CSF2RB: variants seen among roughly 807,000 people sequenced by gnomAD.
CSF2RB encodes cytokine receptor common subunit beta.
Under a neutral mutation model 67.2 loss-of-function variants are expected in CSF2RB, and 22 were observed. The ratio of observed to expected loss-of-function variants is 0.33; its 90% confidence interval spans 0.23 to 0.47. CSF2RB has a LOEUF of 0.47. Ranked by LOEUF, CSF2RB falls within the 20% of genes least tolerant of loss-of-function variation. CSF2RB has a pLI of 1.00. For missense variants in CSF2RB, 1,113 were observed against 1,174.5 expected (o/e 0.95, Z 0.76); for synonymous variants, 507 against 482.9 (o/e 1.05, Z -0.65).
At chr22:36,925,083 T>G (rs1489117063) in intron 3 of CSF2RB, among the ~76,000 whole-genome samples, 30 of 152,250 alleles carry the variant, frequency 2.0e-4, no homozygotes, top group Non-Finnish European at 2.9e-4. Context: ...TCACCCGAGC[T>G]GCGCTGCTGC....
chr22:36,931,224 G>A (rs932061311), intron 8 of CSF2RB, among the ~76,000 whole-genome samples: 1 of 152,200 alleles, frequency 6.6e-6, no homozygotes, highest in Non-Finnish European at 1.5e-5. Flanking sequence ...GATCTATGAT[G>A]TACTTTTCAA....
chr22:36,930,218 T>C (rs1368523336), intron 6 of CSF2RB, among the ~76,000 whole-genome samples, 157 bp from the exon 7 acceptor site: 1 of 152,176 alleles, frequency 6.6e-6, no homozygotes, highest in Non-Finnish European at 1.5e-5. Context: ...CTCGGAGCTG[T>C]TGGACACACA....
intron 1 of CSF2RB, among the ~76,000 whole-genome samples, chr22:36,914,621 C>T (rs1050645934): frequency 2.0e-5 from 3 of 152,048 alleles, no homozygotes; most frequent in African/African-American, 4.8e-5. Flanking sequence ...TTCACTGGGA[C>T]CTTGTCAGAC....
At chr22:36,918,675 C>T (rs1398221401) in intron 1 of CSF2RB, among the ~76,000 whole-genome samples, 1 of 152,132 alleles carries the variant, frequency 6.6e-6, no homozygotes, top group African/African-American at 2.4e-5. Context: ...TGAAGCTTTC[C>T]CCATTTGCTG....
chr22:36,915,422 T>TATATA (rs1555921176), intron 1 of CSF2RB, among the ~76,000 whole-genome samples: 2 of 146,368 alleles, frequency 1.4e-5, no homozygotes, highest in African/African-American at 5.0e-5. Context: ...ATTATTTTAT[T>TATATA]TATATATATA....
intron 1 of CSF2RB, among the ~76,000 whole-genome samples, chr22:36,914,292 G>A (rs1448303691): frequency 6.6e-6 from 1 of 152,136 alleles, no homozygotes; most frequent in Non-Finnish European, 1.5e-5. Flanking sequence ...GCTGCGCTGA[G>A]GCCCAGAGCT....
At chr22:36,929,380 C>T (rs767911516) in intron 4 of CSF2RB, 22 bp from the exon 5 acceptor site, 19 of 1,614,020 alleles carry the variant, frequency 1.2e-5, no homozygotes, top group Non-Finnish European at 1.4e-5. Flanking sequence ...CCCTTAGGTG[C>T]CCTTCACTTC....
At chr22:36,934,024 G>A in intron 10 of CSF2RB, 30 bp downstream of exon 10, 1 of 1,610,200 alleles carries the variant, frequency 6.2e-7, no homozygotes, top group South Asian at 1.1e-5. Context: ...CAGAGCTTCT[G>A]GCCAGGACCA....
intron 4 of CSF2RB, among the ~76,000 whole-genome samples, chr22:36,926,441 G>A (rs948935919): frequency 4.9e-4 from 74 of 152,232 alleles, no homozygotes; most frequent in African/African-American, 1.6e-3. Flanking sequence ...GAAGAAAACC[G>A]TTCTCACCAC....
At chr22:36,932,709 A>T (rs2075936) in intron 8 of CSF2RB, 56 bp from the exon 9 acceptor site, 10 of 1,590,546 alleles carry the variant, frequency 6.3e-6, no homozygotes, top group Non-Finnish European at 6.8e-6. Context: ...AGACACGGGG[A>T]ATGTTCCGTT....
chr22:36,928,488 G>A (rs184370538), intron 4 of CSF2RB, among the ~76,000 whole-genome samples: 2 of 152,258 alleles, frequency 1.3e-5, no homozygotes, highest in Non-Finnish European at 2.9e-5. Flanking sequence ...ACATGCTCTA[G>A]CATGCCATAA....
intron 3 of CSF2RB, among the ~76,000 whole-genome samples, chr22:36,925,330 G>A (rs185777292): frequency 4.4e-4 from 67 of 152,230 alleles, no homozygotes; most frequent in East Asian, 3.9e-4. Flanking sequence ...CAGAAGCCTC[G>A]TAACTGGGCT....
Position 36,939,095 on chromosome 22 carries a change from G to A in CSF2RB, c.*593G>A, listed in dbSNP as rs763937137. ...GGCTCAGGGAATTCAGACTAGCCTC[G>A]ATTGTCACTCCGAGAAATGGGCATG... On this transcript the variant is annotated 3_prime_UTR_variant, in exon 14 of 14. Coordinates refer to ENST00000403662, the MANE Select transcript of CSF2RB (RefSeq NM_000395.3). 2.1e-4 allele frequency: 147 copies of A among 701,658 alleles called. No homozygotes were observed. The highest frequency in any genetic ancestry group is 3.4e-4 in the Non-Finnish European group (129 of 384,322). 43.5% of individuals were successfully genotyped at this position (701,658 alleles called of 1,614,324 possible).
chr22:36,916,992 T>C (rs1333840092), intron 1 of CSF2RB, among the ~76,000 whole-genome samples: 1 of 152,218 alleles, frequency 6.6e-6, no homozygotes, highest in Non-Finnish European at 1.5e-5. Flanking sequence ...GAGAGCCTCC[T>C]GTGTGAGGCT....
At position 36,913,648 on chromosome 22, in the gene CSF2RB, A is replaced by G. The variant is rs1480518098; in HGVS notation, c.-202A>G. The G allele has an allele frequency of 6.6e-6, 1 of 152,334 alleles. No homozygotes were observed. 9.4% of individuals were successfully genotyped at this position (152,334 alleles called of 1,614,324 possible). A position where few individuals can be genotyped will look rare whatever the true frequency, so the allele number is the denominator to read the frequency against. Reference sequence around the variant, plus strand: ...GGCTCACTCTGCCTAGAGGCTCCAGAAGAAGACTGGTCTCTCCCACCACAC... The same window carrying G: ...GGCTCACTCTGCCTAGAGGCTCCAGGAGAAGACTGGTCTCTCCCACCACAC... On this transcript the variant is annotated 5_prime_UTR_variant, in exon 1 of 14. Coordinates refer to ENST00000403662, the MANE Select transcript of CSF2RB (RefSeq NM_000395.3).
intron 9 of CSF2RB, 114 bp downstream of exon 9, chr22:36,933,018 G>A (rs2145814022): frequency 6.3e-6 from 8 of 1,262,630 alleles, no homozygotes; most frequent in Non-Finnish European, 8.9e-6. Context: ...ACCAGTGAGA[G>A]GTAGCCACTG....
chr22:36,916,813 C>T (rs1601574160), intron 1 of CSF2RB, among the ~76,000 whole-genome samples: 1 of 152,128 alleles, frequency 6.6e-6, no homozygotes, highest in African/African-American at 2.4e-5. Flanking sequence ...GAGCCGAGAT[C>T]ACGCCACTGC....
In CSF2RB at chr22:36,938,631, G is replaced by T. The variant is rs1431213551; in HGVS notation, c.*129G>T. 2.0e-6 allele frequency: 2 copies of T among 1,023,442 alleles called. No homozygotes were observed. The highest frequency in any genetic ancestry group is 2.9e-5 in the Admixed American group (1 of 34,998). 63.4% of individuals were successfully genotyped at this position (1,023,442 alleles called of 1,614,324 possible). A position where few individuals can be genotyped will look rare whatever the true frequency, so the allele number is the denominator to read the frequency against. ...AGGTAGCTAGAGGCCTGGGAAAGGA[G>T]ATAGCCTTGCTCCGGCCCCCTTGAC... is the stretch of plus-strand genomic sequence containing the variant. On this transcript the variant is annotated 3_prime_UTR_variant, in exon 14 of 14. Transcript: ENST00000403662.
At chr22:36,913,769 C>G (rs1940647440) in intron 1 of CSF2RB, 92 bp downstream of exon 1, 1 of 152,858 alleles carries the variant, frequency 6.5e-6, no homozygotes, top group Non-Finnish European at 1.5e-5. Flanking sequence ...CAGGGGGAGC[C>G]TGGGGGGCGT....
Sources: allele counts gnomAD v4.1 joint callset (sites outside exome capture counted in the v4.1 genomes callset), GRCh38; gene constraint gnomAD v4.1.1; transcripts MANE v1.5; gene names NCBI Gene and HGNC (gene_info 2026-07-23, HGNC 2026-07-21).